The following NF1 variants were observed in gnomAD, a reference collection of about 807,000 sequenced individuals.
NF1 encodes the protein neurofibromin.
A neutral mutation model predicts 325.7 loss-of-function variants in NF1; 122 were observed. The ratio of observed to expected loss-of-function variants is 0.37; its 90% confidence interval spans 0.32 to 0.44. The LOEUF is 0.44. Ranked by LOEUF, NF1 falls within the 20% of genes least tolerant of loss-of-function variation. The pLI is 1.00. For missense variants in NF1, 2,140 were observed against 3,415.4 expected, an observed-to-expected ratio of 0.63 and a Z score of 9.31; for synonymous variants, 1,091 against 1,186.0, an observed-to-expected ratio of 0.92 and a Z score of 1.65.
intron 57 of NF1, among the ~76,000 whole-genome samples, chr17:31,363,141 A>G (rs1055107480): frequency 6.6e-6 from 1 of 151,654 alleles, no homozygotes; most frequent in African/African-American, 2.4e-5. Flanking sequence ...GTGGTGTTCA[A>G]CTCTTCCTGT....
intron 8 of NF1, among the ~76,000 whole-genome samples, chr17:31,198,609 T>TTTG (rs989383054): frequency 5.3e-5 from 8 of 151,318 alleles, no homozygotes; most frequent in African/African-American, 2.0e-4. Flanking sequence ...CACCACTTTT[T>TTTG]TTGTTGTTGT....
chr17:31,367,210 C>G (rs1443246367), intron 57 of NF1: 2 of 1,298,622 alleles, frequency 1.5e-6, no homozygotes, highest in Non-Finnish European at 1.0e-6. Context: ...TTTTTTTCTT[C>G]CATTCTTTGT....
chr17:31,338,168 A>C, intron 45 of NF1, 29 bp downstream of exon 45: 1 of 1,448,112 alleles, frequency 6.9e-7, no homozygotes, highest in Non-Finnish European at 9.7e-7. Context: ...CTTCTCCCAA[A>C]TATTTATGGT....
At chr17:31,196,057 A>G (rs1265242625) in intron 8 of NF1, among the ~76,000 whole-genome samples, 2 of 151,998 alleles carry the variant, frequency 1.3e-5, no homozygotes, top group Admixed American at 6.5e-5. Context: ...GAAAATATAT[A>G]TTTCAGTTTT....
chr17:31,230,190 T>C, intron 22 of NF1, 70 bp from the exon 23 acceptor site: 1 of 1,548,454 alleles, frequency 6.5e-7, no homozygotes, highest in African/African-American at 1.4e-5. Flanking sequence ...ACTTGATGAC[T>C]AAAGTATTTA....
At chr17:31,297,227 C>T (rs544253510) in intron 36 of NF1, 3 of 152,422 alleles carry the variant, frequency 2.0e-5, no homozygotes, top group South Asian at 4.1e-4. Context: ...TCTGTAGAGT[C>T]GGAACTGTTT....
chr17:31,296,593 TC>T (rs1389828435), intron 36 of NF1: 2 of 456,972 alleles, frequency 4.4e-6, no homozygotes, highest in Non-Finnish European at 8.1e-6. Context: ...TCTCTCTCCC[TC>T]CCCCCTTTTC....
chr17:31,252,793 C>G, intron 30 of NF1, 145 bp from the exon 31 acceptor site: 1 of 674,784 alleles, frequency 1.5e-6, no homozygotes, highest in Non-Finnish European at 2.6e-6. Context: ...AAAATTCATT[C>G]CTCAAAATTC....
intron 57 of NF1, among the ~76,000 whole-genome samples, chr17:31,363,611 T>G (rs1190759058): frequency 6.6e-6 from 1 of 151,074 alleles, no homozygotes; most frequent in Non-Finnish European, 1.5e-5. Flanking sequence ...TAATTTTTTG[T>G]ATTTTTAGTA....
chr17:31,304,646 C>T (rs768040881), intron 36 of NF1: 2 of 1,614,146 alleles, frequency 1.2e-6, no homozygotes, highest in Non-Finnish European at 8.5e-7. Context: ...GTTGAACCAT[C>T]AGCACTATCT....
intron 8 of NF1, among the ~76,000 whole-genome samples, chr17:31,188,465 G>A (rs1049577966): frequency 1.3e-5 from 2 of 152,172 alleles, no homozygotes; most frequent in African/African-American, 4.8e-5. Flanking sequence ...CTGGTTGTAC[G>A]AAGGATAATT....
At chr17:31,316,379 G>C (rs2069021895) in intron 36 of NF1, among the ~76,000 whole-genome samples, 1 of 152,308 alleles carries the variant, frequency 6.6e-6, no homozygotes, top group South Asian at 2.1e-4. Flanking sequence ...ACCATTCTGA[G>C]AGTATATGTT....
At chr17:31,265,733 T>A (rs1016227546) in intron 36 of NF1, among the ~76,000 whole-genome samples, 1 of 152,120 alleles carries the variant, frequency 6.6e-6, no homozygotes, top group Non-Finnish European at 1.5e-5. Flanking sequence ...TGAGAACTTT[T>A]AAAAATATGC....
At chr17:31,283,428 CA>C (rs371186695) in intron 36 of NF1, among the ~76,000 whole-genome samples, 169 of 149,364 alleles carry the variant, frequency 1.1e-3, no homozygotes, top group African/African-American at 3.9e-3. Flanking sequence ...AAAAAACAAA[CA>C]AAAAAAAACA....
At chr17:31,234,026 G>A (rs568495941) in intron 27 of NF1, among the ~76,000 whole-genome samples, 1 of 152,228 alleles carries the variant, frequency 6.6e-6, no homozygotes, top group African/African-American at 2.4e-5. Context: ...GTCCCTCCTT[G>A]TTAGACTTAT....
rs1431671397 is a variant in NF1 at position 31,095,055 on chromosome 17, G to A, written c.-255G>A. The A allele has an allele frequency of 1.7e-6, 1 of 582,064 alleles. No individual in the cohort carries two copies. Among genetic ancestry groups the A allele is most frequent in the Non-Finnish European group, 3.1e-6 (1 of 326,208 alleles). 36.1% of individuals were successfully genotyped at this position (582,064 alleles called of 1,614,324 possible). A position where few individuals can be genotyped will look rare whatever the true frequency, so the allele number is the denominator to read the frequency against. ...CGGCGCTAGTGGGGAGAGCGACCAAGAGGCCCCCTCCCCTCCCCGGGTCCC... is the reference window on the plus strand; with the variant it reads ...CGGCGCTAGTGGGGAGAGCGACCAAAAGGCCCCCTCCCCTCCCCGGGTCCC... On this transcript the variant is annotated 5_prime_UTR_variant, in exon 1 of 58. Transcript: ENST00000358273.
intron 48 of NF1, among the ~76,000 whole-genome samples, chr17:31,348,098 T>C (rs1597857081): frequency 1.2e-5 from 1 of 86,560 alleles, no homozygotes; most frequent in Admixed American, 9.7e-5. Flanking sequence ...AAGCTCAGGT[T>C]TGCTAGGGAA....
At position 31,305,365 on chromosome 17, in the gene NF1, G is replaced by T. The variant is rs1289291517; in HGVS notation, c.4836-20455G>T. On this transcript the variant is annotated intron_variant, in intron 36 of 57. Transcript: ENST00000358273. ...TTCAGAAGAGGTATAGACAGCTGGT[G>T]TTGGTTGTCCAGCAGTGACTTTGGC... The T allele has an allele frequency of 3.7e-6, 6 of 1,614,054 alleles. No homozygotes were observed. The highest frequency in any genetic ancestry group is 3.3e-5 in the Admixed American group (2 of 60,000).
chr17:31,189,220 T>C (rs1368047967), intron 8 of NF1, among the ~76,000 whole-genome samples: 1 of 152,194 alleles, frequency 6.6e-6, no homozygotes, highest in Non-Finnish European at 1.5e-5. Flanking sequence ...TGTAAGGGTA[T>C]ATGTGTACAT....
Sources: allele counts gnomAD v4.1 joint callset (sites outside exome capture counted in the v4.1 genomes callset), GRCh38; gene constraint gnomAD v4.1.1; transcripts MANE v1.5; gene names NCBI Gene and HGNC (gene_info 2026-07-23, HGNC 2026-07-21).